Variants in CHD9 observed in about 807,000 individuals in gnomAD.
The protein encoded by CHD9 is ATP-dependent chromatin remodeler CHD9.
CHD9 carries 77 observed loss-of-function variants against 316.1 expected under a neutral mutation model. The ratio of observed to expected loss-of-function variants is 0.24; its 90% CI spans 0.20 to 0.29. The LOEUF (loss-of-function observed/expected upper bound fraction) is 0.29. Among genes scored for constraint, CHD9 ranks in the 10% least tolerant of loss-of-function variants. The pLI, the probability that CHD9 is intolerant of heterozygous loss-of-function variation, is 1.00. For synonymous variants in CHD9, 1,129 were observed against 1,158.3 expected (o/e 0.97, Z 0.51); for missense variants, 2,763 against 3,438.1 (o/e 0.80, Z 4.91).
At chr16:53,182,331 A>G (rs944009233) in intron 2 of CHD9, among the ~76,000 whole-genome samples, 7 of 152,134 alleles carry the variant, frequency 4.6e-5, no homozygotes, top group African/African-American at 1.7e-4. Flanking sequence ...AGTAGTTGGG[A>G]CCACAGGCAT....
At chr16:53,056,252 C>A (rs1248632979) in intron 1 of CHD9, among the ~76,000 whole-genome samples, 1 of 152,202 alleles carries the variant, frequency 6.6e-6, no homozygotes, top group Admixed American at 6.5e-5. Context: ...CCCCCATAGG[C>A]AGCCCTTCCT....
At chr16:53,231,350 T>C (rs1041741980) in intron 8 of CHD9, 69 bp from the exon 9 acceptor site, 4 of 831,844 alleles carry the variant, frequency 4.8e-6, no homozygotes, top group Non-Finnish European at 7.9e-6. Flanking sequence ...GAAATGCTAG[T>C]AAATTCGTCC....
intron 2 of CHD9, among the ~76,000 whole-genome samples, chr16:53,184,672 T>C (rs532292497): frequency 1.3e-5 from 2 of 152,198 alleles, no homozygotes; most frequent in South Asian, 4.2e-4. Context: ...ATGGGTGCCA[T>C]GTAGAAGGCC....
intron 1 of CHD9, among the ~76,000 whole-genome samples, chr16:53,123,718 T>C (rs2038847281): frequency 1.3e-5 from 2 of 152,058 alleles, no homozygotes; most frequent in Admixed American, 1.3e-4. Flanking sequence ...TCCATGCTGG[T>C]CTCGAACTCC....
chr16:53,149,469 T>A (rs2040908189), intron 1 of CHD9, among the ~76,000 whole-genome samples: 1 of 152,100 alleles, frequency 6.6e-6, no homozygotes, highest in African/African-American at 2.4e-5. Context: ...GGTGCATACA[T>A]GTTTATAATT....
chr16:53,224,729 T>C (rs957847454), intron 4 of CHD9, among the ~76,000 whole-genome samples: 15 of 152,226 alleles, frequency 9.9e-5, no homozygotes, highest in African/African-American at 3.4e-4. Flanking sequence ...GAGACATTGA[T>C]AATATATCAC....
In CHD9 at chr16:53,231,644, C is replaced by T. The variant is rs2048186255; in HGVS notation, c.2374-3C>T. 1.3e-6 allele frequency: 2 copies of T among 1,563,530 alleles called. No homozygotes were observed. Among genetic ancestry groups the T allele is most frequent in the Non-Finnish European group, 1.7e-6 (2 of 1,156,534 alleles). ...AATGGTAAATGAAAAAATTTTTTTA[C>T]AGCCTGTTATTTACTACTTAGTAAA... On this transcript the variant is annotated splice_region_variant and splice_polypyrimidine_tract_variant and intron_variant, in intron 9 of 38. Coordinates refer to ENST00000447540, the MANE Select transcript of CHD9 (RefSeq NM_001308319.2).
intron 19 of CHD9, among the ~76,000 whole-genome samples, chr16:53,256,189 C>A (rs540130351): frequency 6.6e-6 from 1 of 151,748 alleles, no homozygotes; most frequent in Non-Finnish European, 1.5e-5. Flanking sequence ...TCTGGCCGGG[C>A]GAGGTGGTTC....
intron 1 of CHD9, among the ~76,000 whole-genome samples, chr16:53,100,702 C>T (rs2036794521): frequency 6.6e-6 from 1 of 152,148 alleles, no homozygotes; most frequent in Non-Finnish European, 1.5e-5. Context: ...TCAAGCAATC[C>T]ACCCACCTTG....
At chr16:53,281,320 T>C (rs902151331) in intron 24 of CHD9, among the ~76,000 whole-genome samples, 1 of 152,138 alleles carries the variant, frequency 6.6e-6, no homozygotes, top group Non-Finnish European at 1.5e-5. Context: ...CTAGTAAATA[T>C]ACAACCCATT....
intron 2 of CHD9, among the ~76,000 whole-genome samples, chr16:53,167,249 C>G (rs2042332539): frequency 6.6e-6 from 1 of 151,922 alleles, no homozygotes; most frequent in Non-Finnish European, 1.5e-5. Context: ...TTTACTGTAC[C>G]TTGTCAAATG....
intron 38 of CHD9, among the ~76,000 whole-genome samples, chr16:53,322,155 C>T (rs1389260018): frequency 3.3e-5 from 5 of 151,438 alleles, no homozygotes; most frequent in Admixed American, 6.6e-5. Flanking sequence ...CACCAACACA[C>T]CCTGCTAATT....
chr16:53,269,054 C>G (rs1054233040), intron 22 of CHD9, among the ~76,000 whole-genome samples: 2 of 151,890 alleles, frequency 1.3e-5, no homozygotes, highest in African/African-American at 4.8e-5. Context: ...CAATCCTTCC[C>G]CCTCAGCCAC....
intron 1 of CHD9, among the ~76,000 whole-genome samples, chr16:53,146,791 G>T (rs1351038148): frequency 7.5e-6 from 1 of 133,292 alleles, no homozygotes. Context: ...AGAGTGAGAC[G>T]GTCTCAAAAA....
chr16:53,226,036 A>G (rs1446194381), intron 4 of CHD9, among the ~76,000 whole-genome samples: 1 of 152,112 alleles, frequency 6.6e-6, no homozygotes, highest in East Asian at 1.9e-4. Flanking sequence ...AGGTATTCCT[A>G]ATAAAATATA....
chr16:53,286,379 T>G (rs757033144), intron 26 of CHD9, 36 bp downstream of exon 26: 1 of 1,083,042 alleles, frequency 9.2e-7, no homozygotes, highest in Non-Finnish European at 1.4e-6. Context: ...TTTCTATATA[T>G]CTCTCTTCTA....
chr16:53,134,402 A>C (rs73592903), intron 1 of CHD9, among the ~76,000 whole-genome samples: 4,938 of 152,320 alleles, frequency 0.032, 99 homozygotes, highest in Middle Eastern at 0.071. Flanking sequence ...AAAGTGCCAC[A>C]TTCCAGTTTT....
At chr16:53,107,312 T>C (rs1282629363) in intron 1 of CHD9, among the ~76,000 whole-genome samples, 1 of 151,596 alleles carries the variant, frequency 6.6e-6, no homozygotes, top group Non-Finnish European at 1.5e-5. Context: ...ATACACAAAT[T>C]AGCTGGGTGT....
chr16:53,306,399 TA>T lies in CHD9; in HGVS notation c.6780+5del. The T allele has an allele frequency of 6.4e-7, 1 of 1,561,102 alleles. No homozygotes were observed. Among genetic ancestry groups the T allele is most frequent in the Non-Finnish European group, 8.6e-7 (1 of 1,159,512 alleles). On this transcript the variant is annotated splice_donor_region_variant and intron_variant, in intron 32 of 38. Transcript: ENST00000447540. ...CTGGCAGCCTCGTATTGGCCAAAGG[TA>T]AAGAAATAATTTCTTATTGGGATAG... is the stretch of plus-strand genomic sequence containing the variant.
Sources: allele counts gnomAD v4.1 joint callset (sites outside exome capture counted in the v4.1 genomes callset), GRCh38; gene constraint gnomAD v4.1.1; transcripts MANE v1.5; gene names NCBI Gene and HGNC (gene_info 2026-07-23, HGNC 2026-07-21).